CHCHD3: variants seen among roughly 807,000 people sequenced by gnomAD.
The protein encoded by CHCHD3 is MICOS complex subunit MIC19.
A neutral mutation model predicts 38.2 loss-of-function variants in CHCHD3; 20 were observed. That is an observed-to-expected ratio of 0.52 (90% CI 0.37 to 0.76). The LOEUF (loss-of-function observed/expected upper bound fraction) is 0.76. Among genes scored for constraint, CHCHD3 ranks in the 30% least tolerant of loss-of-function variants. CHCHD3 has a pLI of 0.00. For missense variants in CHCHD3, 245 were observed against 279.2 expected (o/e 0.88, Z 0.87); for synonymous variants, 82 against 100.0 (o/e 0.82, Z 1.07).
At chr7:132,973,356 A>G in intron 4 of CHCHD3, 17 of 985,462 alleles carry the variant, frequency 1.7e-5, no homozygotes, top group Non-Finnish European at 1.9e-5. Context: ...AGACTTTAAT[A>G]TACATAGAAA....
chr7:132,927,175 A>T (rs1156273510), intron 4 of CHCHD3, among the ~76,000 whole-genome samples: 35 of 152,312 alleles, frequency 2.3e-4, no homozygotes, highest in Admixed American at 2.2e-3. Flanking sequence ...ATATTAGCTC[A>T]TTGCCCAAAA....
At chr7:133,033,439 C>T (rs187489336) in intron 2 of CHCHD3, among the ~76,000 whole-genome samples, 1 of 152,216 alleles carries the variant, frequency 6.6e-6, no homozygotes, top group East Asian at 1.9e-4. Flanking sequence ...TCCTAAAGTG[C>T]CTGAAGTGGT....
At position 133,015,506 on chromosome 7, in the gene CHCHD3, T is replaced by C. The variant is rs117380790; in HGVS notation, c.251+9040A>G. Among the ~76,000 whole-genome samples, 101 of 152,258 alleles carry C rather than the reference T, an allele frequency of 6.6e-4. 2 individuals carry two copies. In the East Asian group the frequency reaches 0.014, roughly 21 times the overall value. On this transcript the variant is annotated intron_variant, in intron 3 of 7. Transcript: ENST00000262570. ...GTACAGAGTAGCTATCTAGATCTAA[T>C]AACCAGTAGCACAAAACAGAGGTCA...
At chr7:132,974,094 AT>A in intron 4 of CHCHD3, 1 of 1,154,992 alleles carries the variant, frequency 8.7e-7, no homozygotes, top group Non-Finnish European at 1.1e-6. Flanking sequence ...TTATTCAGCC[AT>A]TAAAAACTAC....
intron 4 of CHCHD3, among the ~76,000 whole-genome samples, chr7:132,898,849 G>A (rs1809586472): frequency 6.6e-6 from 1 of 152,358 alleles, no homozygotes; most frequent in East Asian, 1.9e-4. Flanking sequence ...ACTGGCCCAG[G>A]TGCTAAGCCC....
At chr7:132,870,018 T>A (rs954500164) in intron 5 of CHCHD3, among the ~76,000 whole-genome samples, 6 of 152,084 alleles carry the variant, frequency 3.9e-5, no homozygotes, top group Non-Finnish European at 7.4e-5. Flanking sequence ...AGCCAATAAT[T>A]CCATTCCTTC....
At chr7:132,789,929 C>A (rs1438735290) in intron 7 of CHCHD3, among the ~76,000 whole-genome samples, 1 of 152,130 alleles carries the variant, frequency 6.6e-6, no homozygotes, top group Non-Finnish European at 1.5e-5. Flanking sequence ...GTGGGAGACA[C>A]TGGAGCTTCG....
intron 4 of CHCHD3, among the ~76,000 whole-genome samples, chr7:132,921,654 C>T (rs1810266635): frequency 6.6e-6 from 1 of 151,732 alleles, no homozygotes; most frequent in Admixed American, 6.6e-5. Context: ...ACAACAACAA[C>T]AACAAAACAC....
At chr7:132,904,859 A>G (rs1260009620) in intron 4 of CHCHD3, among the ~76,000 whole-genome samples, 1 of 152,198 alleles carries the variant, frequency 6.6e-6, no homozygotes, top group Non-Finnish European at 1.5e-5. Flanking sequence ...CATCAATGAT[A>G]GACTGGATTA....
intron 5 of CHCHD3, among the ~76,000 whole-genome samples, chr7:132,880,091 T>C (rs978207947): frequency 6.6e-6 from 1 of 152,194 alleles, no homozygotes; most frequent in Non-Finnish European, 1.5e-5. Context: ...CAAAAAGTTG[T>C]ATTAGAAGCT....
At chr7:132,911,514 C>G (rs1809951289) in intron 4 of CHCHD3, among the ~76,000 whole-genome samples, 2 of 152,330 alleles carry the variant, frequency 1.3e-5, no homozygotes, top group South Asian at 4.1e-4. Flanking sequence ...ATTCAAATTA[C>G]TTTTCTTCCT....
At chr7:132,981,225 A>G (rs1197561011) in intron 3 of CHCHD3, among the ~76,000 whole-genome samples, 1 of 151,936 alleles carries the variant, frequency 6.6e-6, no homozygotes, top group Admixed American at 6.6e-5. Context: ...ACTGGGCTCA[A>G]GTGGTCTTGA....
chr7:132,841,530 A>G (rs1265751053), intron 5 of CHCHD3, among the ~76,000 whole-genome samples: 1 of 152,190 alleles, frequency 6.6e-6, no homozygotes, highest in Non-Finnish European at 1.5e-5. Flanking sequence ...TCTACAAAGT[A>G]AAGGAATGAA....
At chr7:132,965,453 GA>G (rs112505425) in intron 4 of CHCHD3, among the ~76,000 whole-genome samples, 2,029 of 135,270 alleles carry the variant, frequency 0.015, 23 homozygotes, top group South Asian at 0.071. Context: ...TTAGTTAAAT[GA>G]AAAAAAAAAA....
intron 3 of CHCHD3, among the ~76,000 whole-genome samples, chr7:132,987,683 T>C (rs939121425): frequency 6.6e-6 from 1 of 152,174 alleles, no homozygotes; most frequent in African/African-American, 2.4e-5. Context: ...GGGACCCATC[T>C]AAGATATAGT....
intron 4 of CHCHD3, among the ~76,000 whole-genome samples, chr7:132,953,938 TA>T (rs539203213): frequency 6.6e-6 from 1 of 152,182 alleles, no homozygotes. Context: ...GCCCTAGCCA[TA>T]AAAGAGTCAT....
intron 6 of CHCHD3, among the ~76,000 whole-genome samples, chr7:132,800,922 C>T (rs1312454542): frequency 6.6e-6 from 1 of 152,000 alleles, no homozygotes; most frequent in Admixed American, 6.6e-5. Context: ...TCTCATAAAA[C>T]CATATTTTAC....
intron 4 of CHCHD3, among the ~76,000 whole-genome samples, chr7:132,902,876 C>A (rs1189463643): frequency 6.6e-6 from 1 of 152,100 alleles, no homozygotes; most frequent in Non-Finnish European, 1.5e-5. Flanking sequence ...TATTTGTGAA[C>A]AATACTCTGG....
chr7:132,799,876 C>G lies in CHCHD3; in HGVS notation c.525-3299G>C, dbSNP rs1806742768. ...TTCCCTTTCTCTCCCCTCATCTCCA[C>G]AAGCACTAGCAGCCCGCCCTCCCTT... On this transcript the variant is annotated intron_variant, in intron 6 of 7. Coordinates refer to ENST00000262570, the MANE Select transcript of CHCHD3 (RefSeq NM_017812.4). Among the ~76,000 whole-genome samples, 3 of 152,142 alleles carry G rather than the reference C, an allele frequency of 2.0e-5. No homozygotes were observed. In the South Asian group the frequency reaches 6.2e-4, roughly 31 times the overall value.
Sources: gnomAD v4.1 joint callset for allele counts (sites outside exome capture counted in the v4.1 genomes callset) on GRCh38, gnomAD v4.1.1 for gene constraint, MANE v1.5 for transcripts, NCBI Gene and HGNC (gene_info 2026-07-23, HGNC 2026-07-21) for gene names.